Variants in GPSM2 observed in about 807,000 individuals in gnomAD.
GPSM2 encodes G protein-signaling modulator 2.
In GPSM2, 58 loss-of-function variants were observed where a neutral mutation model predicts 78.4. That is an observed-to-expected ratio of 0.74 (90% CI 0.60 to 0.92). The LOEUF is 0.92. Among genes scored for constraint, GPSM2 ranks in the 40% least tolerant of loss-of-function variants. The pLI is 0.00. For synonymous variants in GPSM2, 224 were observed against 280.2 expected (o/e 0.80, Z 2.00); for missense variants, 700 against 815.5 (o/e 0.86, Z 1.73).
At position 108,885,369 on chromosome 1, in the gene GPSM2, T is replaced by A. The variant is rs1570876325; in HGVS notation, c.-154T>A. On this transcript the variant is annotated 5_prime_UTR_variant, in exon 2 of 15. Coordinates refer to ENST00000264126, the MANE Select transcript of GPSM2 (RefSeq NM_013296.5). ...CTGTCTGACATTGACCTCCTTTCAT[T>A]ATTAATAAAGAAGAATCAGGAGCTT... 1.3e-5 allele frequency: 7 copies of A among 525,258 alleles called. No homozygotes were observed. The East Asian group carries it at 2.1e-4, about 16-fold the overall frequency. 32.5% of individuals were successfully genotyped at this position (525,258 alleles called of 1,614,324 possible).
rs1299799295 is a variant in GPSM2, at chr1:108,898,940, T to A, written c.743T>A (p.Leu248His). The A allele has an allele frequency of 6.2e-7, 1 of 1,612,820 alleles. No individual in the cohort carries two copies. Among genetic ancestry groups the A allele is most frequent in the Non-Finnish European group, 8.5e-7 (1 of 1,178,930 alleles). ...KAAERRAYSN[L>H]GNAYIFLGEF... is the part of the protein sequence containing the mutation. ...GCTGAAAGAAGAGCATATAGCAACC[T>A]TGGAAATGCATATATATTTCTTGGT... The change falls in exon 7 of 15, where the codon CTT (leucine) becomes CAT (histidine). Residue 248 changes from leucine (L) to histidine (H), a missense_variant. Transcript: ENST00000264126.
In GPSM2 at chr1:108,897,973, A is replaced by G; in HGVS notation, c.429A>G (p.Arg143=). ...TCTTCATTTAGGTGGGAGAAGCAAGAGCACTTTACAATCTTGGGAATGTGT... is the reference window on the plus strand; with the variant it reads ...TCTTCATTTAGGTGGGAGAAGCAAGGGCACTTTACAATCTTGGGAATGTGT... ...RELNDKVGEA[R]ALYNLGNVYH... Residue 143 remains arginine (R), a synonymous_variant, in exon 5 of 15, where the codon AGA becomes AGG. Coordinates refer to ENST00000264126, the MANE Select transcript of GPSM2 (RefSeq NM_013296.5). 1 of 1,614,040 alleles carries G rather than the reference A, an allele frequency of 6.2e-7. No individual in the cohort carries two copies. The highest frequency in any genetic ancestry group is 2.2e-5 in the East Asian group (1 of 44,890).
chr1:108,897,286 A>G (rs1350692306), intron 3 of GPSM2, among the ~76,000 whole-genome samples: 1 of 152,230 alleles, frequency 6.6e-6, no homozygotes, highest in African/African-American at 2.4e-5. Flanking sequence ...GTTTAATTAA[A>G]TGGATGAAAA....
At chr1:108,924,435 G>A (rs1255262448) in intron 14 of GPSM2, 23 of 499,016 alleles carry the variant, frequency 4.6e-5, no homozygotes, top group Admixed American at 4.6e-4. Context: ...TAGGAGAGAC[G>A]TGTGTGTGTG....
chr1:108,897,872 G>T (rs1253575267), intron 4 of GPSM2, 87 bp from the exon 5 acceptor site: 24 of 1,407,794 alleles, frequency 1.7e-5, no homozygotes, highest in South Asian at 2.5e-5. Context: ...TTTTTCCCTT[G>T]TCCGTAATAC....
At chr1:108,916,228 T>TAG (rs1650215711) in intron 11 of GPSM2, among the ~76,000 whole-genome samples, 1 of 151,410 alleles carries the variant, frequency 6.6e-6, no homozygotes, top group Non-Finnish European at 1.5e-5. Flanking sequence ...CACTGCACTC[T>TAG]AGCCTGGGTG....
chr1:108,891,064 C>T (rs1381662003), intron 2 of GPSM2, among the ~76,000 whole-genome samples: 1 of 152,030 alleles, frequency 6.6e-6, no homozygotes, highest in Non-Finnish European at 1.5e-5. Flanking sequence ...GAGTAACGAT[C>T]AGAGTAGAGA....
intron 9 of GPSM2, 86 bp from the exon 10 acceptor site, chr1:108,904,039 A>C: frequency 1.1e-6 from 1 of 870,482 alleles, no homozygotes; most frequent in Non-Finnish European, 1.9e-6. Context: ...ATTTTCTTCT[A>C]GTTTTAGGTT....
intron 1 of GPSM2, among the ~76,000 whole-genome samples, chr1:108,882,084 TGGGGCTATAGTCACA>T (rs1333866067): frequency 6.6e-6 from 1 of 152,142 alleles, no homozygotes; most frequent in Non-Finnish European, 1.5e-5. Flanking sequence ...CCCAAGTAGC[TGGGGCTATAGTCACA>T]GGCCACCACA....
Position 108,922,877 on chromosome 1 carries a change from C to T in GPSM2, c.1600+301C>T, listed in dbSNP as rs533879188. Among the ~76,000 whole-genome samples the T allele has an allele frequency of 1.2e-4, 19 of 152,096 alleles. No individual in the cohort carries two copies. In the South Asian group the frequency reaches 3.7e-3, roughly 30 times the overall value. Reference sequence around the variant, plus strand: ...AGGTGTGGTGGTGCATGCCTGTAATCTCAGCTACTTGGGAGGCTGAAGTGG... The same window carrying T: ...AGGTGTGGTGGTGCATGCCTGTAATTTCAGCTACTTGGGAGGCTGAAGTGG... On this transcript the variant is annotated intron_variant, in intron 13 of 14. Transcript: ENST00000264126.
intron 10 of GPSM2, among the ~76,000 whole-genome samples, chr1:108,905,031 C>T (rs1649112578): frequency 6.6e-6 from 1 of 152,034 alleles, no homozygotes; most frequent in Non-Finnish European, 1.5e-5. Flanking sequence ...GATAAATCTA[C>T]CTTTACTTTT....
intron 1 of GPSM2, 46 bp from the exon 2 acceptor site, chr1:108,885,229 T>G: frequency 3.3e-6 from 1 of 299,162 alleles, no homozygotes. Flanking sequence ...TAGGTTGTTC[T>G]TTGAAAATAG....
intron 12 of GPSM2, among the ~76,000 whole-genome samples, chr1:108,922,105 G>A (rs1220590075): frequency 6.6e-6 from 1 of 152,164 alleles, no homozygotes; most frequent in Non-Finnish European, 1.5e-5. Context: ...ACTGCAGAAT[G>A]TTTAGAACTG....
chr1:108,921,181 A>C (rs967798861), intron 12 of GPSM2, among the ~76,000 whole-genome samples: 18 of 152,268 alleles, frequency 1.2e-4, no homozygotes, highest in Middle Eastern at 3.4e-3. Flanking sequence ...GCACATTGGG[A>C]GGCCAAAGCA....
chr1:108,886,972 C>A (rs1187733212), intron 2 of GPSM2, among the ~76,000 whole-genome samples: 2 of 151,834 alleles, frequency 1.3e-5, no homozygotes, highest in Non-Finnish European at 2.9e-5. Flanking sequence ...CTGTAACCTC[C>A]GCCTCCCATG....
chr1:108,913,413 A>G (rs575009377), intron 10 of GPSM2, among the ~76,000 whole-genome samples: 1 of 152,326 alleles, frequency 6.6e-6, no homozygotes, highest in Non-Finnish European at 1.5e-5. Flanking sequence ...ATTATAAAAA[A>G]GCCTTTGCCA....
At chr1:108,923,969 T>C (rs1411305413) in intron 13 of GPSM2, 31 bp from the exon 14 acceptor site, 1 of 1,478,282 alleles carries the variant, frequency 6.8e-7, no homozygotes, top group Non-Finnish European at 9.5e-7. Context: ...TTGTTTTTTT[T>C]TAATCTTTGG....
At position 108,903,111 on chromosome 1, in the gene GPSM2, T is replaced by G. The variant is rs1250120132; in HGVS notation, c.954-15T>G. ...TTTTCAAATAACTGCATGTTCGCTTTGAATAACGTTTTAGAATTGGTGAAG... is the reference window on the plus strand; with the variant it reads ...TTTTCAAATAACTGCATGTTCGCTTGGAATAACGTTTTAGAATTGGTGAAG... On this transcript the variant is annotated splice_polypyrimidine_tract_variant and intron_variant, in intron 8 of 14. Transcript: ENST00000264126. 2 of 1,493,086 alleles carry G rather than the reference T, an allele frequency of 1.3e-6. No homozygotes were observed. Among genetic ancestry groups the G allele is most frequent in the South Asian group, 2.3e-5 (2 of 88,704 alleles). The allele number at this position is 1,493,086 out of a possible 1,614,324, so 92.5% of individuals were successfully genotyped here. A position where few individuals can be genotyped will look rare whatever the true frequency, so the allele number is the denominator to read the frequency against.
intron 1 of GPSM2, among the ~76,000 whole-genome samples, chr1:108,880,461 C>T (rs1417493235): frequency 6.6e-6 from 1 of 151,908 alleles, no homozygotes; most frequent in Non-Finnish European, 1.5e-5. Flanking sequence ...AGGCGTGGTG[C>T]TGGGCACCTG....
Sources: gnomAD v4.1 joint callset for allele counts (sites outside exome capture counted in the v4.1 genomes callset) on GRCh38, gnomAD v4.1.1 for gene constraint, MANE v1.5 for transcripts, NCBI Gene and HGNC (gene_info 2026-07-23, HGNC 2026-07-21) for gene names.